LRRC4C: variants seen among roughly 807,000 people sequenced by gnomAD.
LRRC4C encodes the protein leucine-rich repeat-containing protein 4C.
A neutral mutation model predicts 33.6 loss-of-function variants in LRRC4C; 5 were observed. The ratio of observed to expected loss-of-function variants is 0.15; its 90% CI spans 0.08 to 0.31. The LOEUF (loss-of-function observed/expected upper bound fraction) is 0.31. Ranked by LOEUF, LRRC4C falls within the 10% of genes least tolerant of loss-of-function variation. LRRC4C has a pLI of 1.00. For synonymous variants in LRRC4C, 329 were observed against 302.0 expected, an observed-to-expected ratio of 1.09 and a Z score of -0.93; for missense variants, 560 against 796.7, an observed-to-expected ratio of 0.70 and a Z score of 3.58.
At chr11:41,107,318 C>T (rs1194706249) in intron 1 of LRRC4C, among the ~76,000 whole-genome samples, 2 of 152,018 alleles carry the variant, frequency 1.3e-5, no homozygotes, top group East Asian at 1.9e-4. Context: ...AAGAGTTTTG[C>T]TATTGATCTT....
At chr11:40,437,082 C>T (rs1469817851) in intron 3 of LRRC4C, among the ~76,000 whole-genome samples, 1 of 152,030 alleles carries the variant, frequency 6.6e-6, no homozygotes, top group African/African-American at 2.4e-5. Flanking sequence ...TTTAACTTTT[C>T]TGATAGTTGT....
At chr11:40,998,047 T>C (rs1854106846) in intron 1 of LRRC4C, among the ~76,000 whole-genome samples, 1 of 152,054 alleles carries the variant, frequency 6.6e-6, no homozygotes, top group Non-Finnish European at 1.5e-5. Context: ...AAATAACTGA[T>C]GAATTAATGA....
chr11:40,296,621 A>G (rs149289700), intron 4 of LRRC4C, among the ~76,000 whole-genome samples: 1 of 152,306 alleles, frequency 6.6e-6, no homozygotes, highest in Non-Finnish European at 1.5e-5. Context: ...GAGGATGGCA[A>G]TACCACATTT....
chr11:40,789,587 A>G (rs1275206430), intron 2 of LRRC4C, among the ~76,000 whole-genome samples: 4 of 144,996 alleles, frequency 2.8e-5, no homozygotes, highest in African/African-American at 8.4e-5. Context: ...CTTCAGATAT[A>G]TTTTTAAAAT....
chr11:41,119,332 C>T (rs1565400722), intron 1 of LRRC4C, among the ~76,000 whole-genome samples: 1 of 152,106 alleles, frequency 6.6e-6, no homozygotes, highest in Non-Finnish European at 1.5e-5. Flanking sequence ...AGAAACTTCC[C>T]TAAGGTCACA....
chr11:40,312,180 G>A (rs1404552659), intron 4 of LRRC4C, among the ~76,000 whole-genome samples: 5 of 152,112 alleles, frequency 3.3e-5, no homozygotes, highest in Non-Finnish European at 5.9e-5. Flanking sequence ...TGAGTTGCGT[G>A]AAACTCTTGC....
chr11:40,237,715 G>A (rs765084982), intron 5 of LRRC4C, among the ~76,000 whole-genome samples: 24 of 151,918 alleles, frequency 1.6e-4, no homozygotes, highest in South Asian at 1.0e-3. Context: ...CTAGATAATC[G>A]TGAAAACCCT....
intron 1 of LRRC4C, among the ~76,000 whole-genome samples, chr11:41,233,074 G>T (rs975336298): frequency 7.2e-5 from 11 of 151,972 alleles, no homozygotes; most frequent in Admixed American, 1.3e-4. Context: ...TTTCTTAATT[G>T]CTCTTTCTTT....
Position 41,228,051 on chromosome 11 carries a change from C to T in LRRC4C, c.-496+231380G>A, listed in dbSNP as rs537467600. 1.8e-4 allele frequency among the ~76,000 whole-genome samples: 28 copies of T among 152,182 alleles called. No homozygotes were observed. In the South Asian group the frequency reaches 5.6e-3, roughly 30 times the overall value. On this transcript the variant is annotated intron_variant, in intron 1 of 6. Coordinates refer to ENST00000528697, the MANE Select transcript of LRRC4C (RefSeq NM_001258419.2). ...ACCACATTAATTTCTCTTGCTTTTG[C>T]CCTGTAAAATACCTTGCCTGAAACT...
At chr11:40,306,176 T>C (rs1427843699) in intron 4 of LRRC4C, among the ~76,000 whole-genome samples, 2 of 152,236 alleles carry the variant, frequency 1.3e-5, no homozygotes, top group Non-Finnish European at 2.9e-5. Flanking sequence ...TTTGGAAGTA[T>C]ATTAAGGAAA....
At chr11:40,776,891 C>CT (rs907142232) in intron 2 of LRRC4C, among the ~76,000 whole-genome samples, 1 of 152,026 alleles carries the variant, frequency 6.6e-6, no homozygotes, top group Admixed American at 6.6e-5. Context: ...CTTAATACTA[C>CT]TTTTTTGCAT....
chr11:41,213,957 T>G (rs902369631), intron 1 of LRRC4C, among the ~76,000 whole-genome samples: 9 of 152,228 alleles, frequency 5.9e-5, no homozygotes, highest in African/African-American at 1.9e-4. Flanking sequence ...TAAATTTGAT[T>G]TGATCTCATT....
chr11:41,265,889 T>A (rs1159597362), intron 1 of LRRC4C, among the ~76,000 whole-genome samples: 9 of 137,444 alleles, frequency 6.5e-5, no homozygotes, highest in Admixed American at 2.2e-4. Flanking sequence ...AAAAAAAAAA[T>A]AATAATTACA....
At chr11:41,239,845 A>G (rs1016601215) in intron 1 of LRRC4C, among the ~76,000 whole-genome samples, 1 of 152,184 alleles carries the variant, frequency 6.6e-6, no homozygotes, top group African/African-American at 2.4e-5. Flanking sequence ...TGAATGAATG[A>G]AAAAGTAATC....
At chr11:41,109,389 T>A (rs1422376099) in intron 1 of LRRC4C, among the ~76,000 whole-genome samples, 1 of 152,004 alleles carries the variant, frequency 6.6e-6, no homozygotes, top group Non-Finnish European at 1.5e-5. Flanking sequence ...TTGAAGAAAT[T>A]GTCATGATGG....
chr11:41,353,054 AT>A (rs1952036116), intron 1 of LRRC4C, among the ~76,000 whole-genome samples: 2 of 152,096 alleles, frequency 1.3e-5, no homozygotes, highest in African/African-American at 2.4e-5. Context: ...AAATCAAGAC[AT>A]GAAAATCCAT....
At chr11:41,224,784 C>A (rs548897216) in intron 1 of LRRC4C, among the ~76,000 whole-genome samples, 4 of 152,214 alleles carry the variant, frequency 2.6e-5, no homozygotes, top group Non-Finnish European at 5.9e-5. Context: ...TTCAAAAATT[C>A]TTCTTGTATG....
chr11:40,281,733 C>T (rs1386703006), intron 4 of LRRC4C, among the ~76,000 whole-genome samples: 1 of 152,136 alleles, frequency 6.6e-6, no homozygotes, highest in East Asian at 1.9e-4. Flanking sequence ...AATAAGATGT[C>T]TTTTAAAGCA....
At chr11:41,099,671 G>A (rs772895158) in intron 1 of LRRC4C, among the ~76,000 whole-genome samples, 1 of 152,088 alleles carries the variant, frequency 6.6e-6, no homozygotes, top group Non-Finnish European at 1.5e-5. Context: ...CTATAAACCA[G>A]ATATTAAAGA....
Sources: allele counts gnomAD v4.1 joint callset (sites outside exome capture counted in the v4.1 genomes callset), GRCh38; gene constraint gnomAD v4.1.1; transcripts MANE v1.5; gene names NCBI Gene and HGNC (gene_info 2026-07-23, HGNC 2026-07-21).